TECPR2: variants seen among roughly 807,000 people sequenced by gnomAD.
The protein encoded by TECPR2 is tectonin beta-propeller repeat containing 2.
In TECPR2, 65 loss-of-function variants were observed where a neutral mutation model predicts 138.1. The ratio of observed to expected loss-of-function variants is 0.47; its 90% CI spans 0.39 to 0.58. The LOEUF (loss-of-function observed/expected upper bound fraction) is 0.58. TECPR2 is among the 20% of genes least tolerant of loss of function. TECPR2 has a pLI of 0.00. For synonymous variants in TECPR2, 746 were observed against 749.8 expected (o/e 0.99, Z 0.08); for missense variants, 1,553 against 1,824.5 (o/e 0.85, Z 2.71).
intron 17 of TECPR2, among the ~76,000 whole-genome samples, chr14:102,496,515 C>G (rs11620903): frequency 0.22 from 33,031 of 152,226 alleles, 4,283 homozygotes; most frequent in Middle Eastern, 0.31. Context: ...TGTTGCCTGC[C>G]CGGCAGCACA....
chr14:102,440,433 T>C lies in TECPR2; in HGVS notation c.2579-3T>C, dbSNP rs555555857. The C allele has an allele frequency of 1.5e-5, 25 of 1,613,764 alleles. No homozygotes were observed. In the South Asian group the frequency reaches 1.9e-4, roughly 12 times the overall value. Reference sequence around the variant, plus strand: ...ACAGTGAATAGAATTTTTATTTCCATAGGAGCCCTTCTCTGGAAGATTGAA... The same window carrying C: ...ACAGTGAATAGAATTTTTATTTCCACAGGAGCCCTTCTCTGGAAGATTGAA... On this transcript the variant is annotated splice_polypyrimidine_tract_variant and splice_region_variant and intron_variant, in intron 10 of 19. Transcript: ENST00000359520.
At chr14:102,473,354 C>T (rs985954576) in intron 17 of TECPR2, among the ~76,000 whole-genome samples, 1 of 152,242 alleles carries the variant, frequency 6.6e-6, no homozygotes, top group African/African-American at 2.4e-5. Context: ...GATGGGGGTT[C>T]ACTCTGAGGA....
At chr14:102,398,353 GTC>G (rs1888375466) in intron 2 of TECPR2, among the ~76,000 whole-genome samples, 1 of 152,080 alleles carries the variant, frequency 6.6e-6, no homozygotes, top group Non-Finnish European at 1.5e-5. Context: ...GAGCCTAAGG[GTC>G]ATCATCAAAG....
In TECPR2 at chr14:102,434,390, G is replaced by C; in HGVS notation, c.1573G>C (p.Asp525His). ...GGATCAGTTAAGTGCAGAGTCTCCAGACCAGGAAAGCAGCTTCAATGGTGA... is the reference window on the plus strand; with the variant it reads ...GGATCAGTTAAGTGCAGAGTCTCCACACCAGGAAAGCAGCTTCAATGGTGA... ...SVDQLSAESP[D>H]QESSFNGEVN... The change falls in exon 9 of 20, where the codon GAC becomes CAC. Residue 525 changes from aspartate (D) to histidine (H), a missense_variant. Physicochemically the swap from Asp to His is moderately conservative, Grantham distance 81. Coordinates refer to ENST00000359520, the MANE Select transcript of TECPR2 (RefSeq NM_014844.5). The C allele has an allele frequency of 1.3e-6, 2 of 1,530,644 alleles. No individual in the cohort carries two copies. The highest frequency in any genetic ancestry group is 1.8e-6 in the Non-Finnish European group (2 of 1,140,926). 94.8% of individuals were successfully genotyped at this position (1,530,644 alleles called of 1,614,324 possible). A position where few individuals can be genotyped will look rare whatever the true frequency, so the allele number is the denominator to read the frequency against.
At chr14:102,376,318 A>G (rs1382841704) in intron 1 of TECPR2, among the ~76,000 whole-genome samples, 2 of 152,042 alleles carry the variant, frequency 1.3e-5, no homozygotes, top group East Asian at 1.9e-4. Flanking sequence ...TTATCACCTC[A>G]TTACTTGTGG....
Position 102,457,233 on chromosome 14 carries a change from C to T in TECPR2, c.3640+4606C>T, listed in dbSNP as rs1890296351. On this transcript the variant is annotated intron_variant, in intron 16 of 19. Transcript: ENST00000359520. ...CCGAGTAGCTGGGATGACAGGCATC[C>T]ACAGCCATGCCCGGCTAATGTTTGT... Among the ~76,000 whole-genome samples the T allele has an allele frequency of 3.3e-5, 5 of 152,038 alleles. No homozygotes were observed. In the South Asian group the frequency reaches 8.3e-4, roughly 25 times the overall value.
chr14:102,478,155 C>T (rs1288004994), intron 17 of TECPR2, among the ~76,000 whole-genome samples: 1 of 151,800 alleles, frequency 6.6e-6, no homozygotes, highest in Non-Finnish European at 1.5e-5. Flanking sequence ...AAGCCATCCT[C>T]CCACCTCAGC....
intron 15 of TECPR2, among the ~76,000 whole-genome samples, chr14:102,451,159 G>A (rs1318464934): frequency 2.6e-5 from 4 of 152,222 alleles, no homozygotes; most frequent in South Asian, 4.1e-4. Flanking sequence ...CGGAGTACAG[G>A]GTTTGTGAGG....
At chr14:102,406,519 C>T (rs985960449) in intron 2 of TECPR2, among the ~76,000 whole-genome samples, 1 of 150,580 alleles carries the variant, frequency 6.6e-6, no homozygotes. Context: ...GCACTCCAGC[C>T]TGGTGATAGA....
rs1889137070 is a variant in TECPR2 at position 102,420,046 on chromosome 14, C to A, written c.639-4933C>A. The stretch of plus-strand genomic sequence containing the variant: ...GATCCTTCTTCTCACTCAGCTTAGA[C>A]TTTCAGGCTCCCATTTTGGGTGCTG... On this transcript the variant is annotated intron_variant, in intron 5 of 19. Transcript: ENST00000359520. This position sits in a 1 kb window ranked among gnomAD's most constrained non-coding sequence, Gnocchi z 4.1. Among the ~76,000 whole-genome samples the A allele has an allele frequency of 6.6e-6, 1 of 152,188 alleles. No individual in the cohort carries two copies. Among genetic ancestry groups the A allele is most frequent in the South Asian group, 2.1e-4 (1 of 4,830 alleles).
chr14:102,488,158 A>G (rs773016090), intron 17 of TECPR2, among the ~76,000 whole-genome samples: 10 of 151,150 alleles, frequency 6.6e-5, no homozygotes, highest in Non-Finnish European at 1.5e-4. Context: ...TTGCATTTTT[A>G]TGAAGTTTTT....
In TECPR2 at chr14:102,478,103, G is replaced by T. The variant is rs552284076; in HGVS notation, c.3789+12814G>T. 2.6e-3 allele frequency among the ~76,000 whole-genome samples: 395 copies of T among 151,768 alleles called. 6 individuals carry two copies. The highest frequency in any genetic ancestry group is 0.015 in the South Asian group (73 of 4,802). ...ACTCCATTGCCCATGCTGGAGTGCA[G>T]TGGAGTGATTGTGGCTCACTGTAAC... On this transcript the variant is annotated intron_variant, in intron 17 of 19. Coordinates refer to ENST00000359520, the MANE Select transcript of TECPR2 (RefSeq NM_014844.5).
intron 1 of TECPR2, among the ~76,000 whole-genome samples, chr14:102,367,182 T>G (rs1161938001): frequency 2.6e-5 from 4 of 152,142 alleles, no homozygotes; most frequent in Non-Finnish European, 4.4e-5. Context: ...GAGTTTTGAG[T>G]AGAATGGGTA....
At chr14:102,432,273 C>A in intron 8 of TECPR2, 145 bp downstream of exon 8, 2 of 721,416 alleles carry the variant, frequency 2.8e-6, no homozygotes, top group East Asian at 2.8e-5. Flanking sequence ...AGTTTTACTG[C>A]AAAATACTTC....
chr14:102,421,417 C>T (rs1889178275), intron 5 of TECPR2, among the ~76,000 whole-genome samples: 1 of 152,220 alleles, frequency 6.6e-6, no homozygotes, highest in Admixed American at 6.5e-5. Flanking sequence ...TATATAATAT[C>T]CTCCTTGGAC....
chr14:102,375,332 T>G, intron 1 of TECPR2, among the ~76,000 whole-genome samples: 1 of 151,382 alleles, frequency 6.6e-6, no homozygotes, highest in African/African-American at 2.4e-5. Flanking sequence ...GGTCACAGAG[T>G]GAGACTGTGT....
In TECPR2 at chr14:102,450,568, T is replaced by A; in HGVS notation, c.3325T>A (p.Trp1109Arg). 5 of 1,614,208 alleles carry A rather than the reference T, an allele frequency of 3.1e-6. No homozygotes were observed. Among genetic ancestry groups the A allele is most frequent in the Non-Finnish European group, 1.7e-6 (2 of 1,180,008 alleles). The change falls in exon 15 of 20, where the codon TGG (tryptophan) becomes AGG (arginine). Residue 1109 changes from tryptophan to arginine, a missense_variant. Physicochemically the swap from Trp to Arg is moderately radical, Grantham distance 101. Coordinates refer to ENST00000359520, the MANE Select transcript of TECPR2 (RefSeq NM_014844.5). Reference sequence around the variant, plus strand: ...CTATTTACTCTTTCCAGGCACCTACTGGAATCATGTGGTTCCCCGTGGGAC... The same window carrying A: ...CTATTTACTCTTTCCAGGCACCTACAGGAATCATGTGGTTCCCCGTGGGAC... The part of the protein sequence containing the change: ...VAKGSLIGTY[W>R]NHVVPRGTAS...
In TECPR2 at chr14:102,500,037, A is replaced by G. The variant is rs1372963778; in HGVS notation, c.*1780A>G. ...CCTCACGGATGGCAAAGCTCTCCTC[A>G]CCCATGGGACTGTAGTGCAATTAAA... On this transcript the variant is annotated 3_prime_UTR_variant, in exon 20 of 20. Transcript: ENST00000359520. 3 of 152,570 alleles carry G rather than the reference A, an allele frequency of 2.0e-5. No individual in the cohort carries two copies. The highest frequency in any genetic ancestry group is 4.4e-5 in the Non-Finnish European group (3 of 68,056). 9.5% of individuals were successfully genotyped at this position (152,570 alleles called of 1,614,324 possible). A position where few individuals can be genotyped will look rare whatever the true frequency, so the allele number is the denominator to read the frequency against.
At chr14:102,406,165 G>A (rs892745040) in intron 2 of TECPR2, among the ~76,000 whole-genome samples, 4 of 152,148 alleles carry the variant, frequency 2.6e-5, no homozygotes, top group Admixed American at 2.0e-4. Context: ...TGATTGAAGA[G>A]CATTATGAAT....
Sources: gnomAD v4.1 joint callset for allele counts (sites outside exome capture counted in the v4.1 genomes callset) on GRCh38, gnomAD v4.1.1 for gene constraint, Gnocchi (gnomAD v3.1) non-coding constraint, MANE v1.5 for transcripts, NCBI Gene and HGNC (gene_info 2026-07-23, HGNC 2026-07-21) for gene names.